The following PKD1L3 variants were observed in gnomAD, a reference collection of about 807,000 sequenced individuals.
The protein encoded by PKD1L3 is polycystin 1 like 3, transient receptor potential channel interacting.
In PKD1L3, 239 loss-of-function variants were observed where a neutral mutation model predicts 184.1. The ratio of observed to expected loss-of-function variants is 1.30; its 90% CI spans 1.17 to 1.45. PKD1L3 has a LOEUF of 1.45. PKD1L3 is among the 40% of genes most tolerant of loss of function. PKD1L3 has a pLI of 0.00. For missense variants in PKD1L3, 2,660 were observed against 2,067.2 expected (o/e 1.29, Z -5.56); for synonymous variants, 996 against 778.8 (o/e 1.28, Z -4.64).
At chr16:71,955,611 GT>G (rs1426620971) in intron 16 of PKD1L3, among the ~76,000 whole-genome samples, 10 of 151,976 alleles carry the variant, frequency 6.6e-5, no homozygotes, top group Non-Finnish European at 4.4e-5. Context: ...TCCCACCTCA[GT>G]GGTGTGCAGG....
At chr16:71,997,418 C>G (rs1041952794) in intron 2 of PKD1L3, among the ~76,000 whole-genome samples, 24 of 151,398 alleles carry the variant, frequency 1.6e-4, no homozygotes, top group Non-Finnish European at 3.0e-4. Flanking sequence ...AAGACCCCCC[C>G]CCCCACAACC....
chr16:71,988,967 A>G (rs12051517), intron 4 of PKD1L3, among the ~76,000 whole-genome samples: 68,846 of 152,018 alleles, frequency 0.45, 16,673 homozygotes, highest in African/African-American at 0.61. Flanking sequence ...ATATTTCACA[A>G]GAGAATTTTA....
Position 71,960,700 on chromosome 16 carries a change from T to TA in PKD1L3, c.2612+2504dup, listed in dbSNP as rs768121547. Among the ~76,000 whole-genome samples, 4 of 152,238 alleles carry TA rather than the reference T, an allele frequency of 2.6e-5. No homozygotes were observed. The East Asian group carries it at 5.8e-4, about 22-fold the overall frequency. ...ATTGGAAACACAGAGATTAAACAGA[T>TA]AAAAAATCACATTTCTGCAACAAAA... On this transcript the variant is annotated intron_variant, in intron 16 of 29. Transcript: ENST00000620267.
At position 71,980,048 on chromosome 16, in the gene PKD1L3, T is replaced by C. The variant is rs1040232827; in HGVS notation, c.1230A>G (p.Ser410=). The change falls in exon 8 of 30, where the codon TCA becomes TCG. Residue 410 remains serine (S), a synonymous_variant. Coordinates refer to ENST00000620267, the MANE Select transcript of PKD1L3 (RefSeq NM_181536.2). ...TAGCATTGGCAGAGGTCAAAGTCACTGAAGACTCGGGAGACTGGTTCTGCT... is the reference window on the plus strand; with the variant it reads ...TAGCATTGGCAGAGGTCAAAGTCACCGAAGACTCGGGAGACTGGTTCTGCT... ...FLEQNQSPES[S]VTLTSANATL... is the part of the protein sequence containing the mutation. The C allele has an allele frequency of 6.4e-7, 1 of 1,552,018 alleles. No homozygotes were observed.
chr16:71,982,887 C>T (rs7204348), intron 6 of PKD1L3, among the ~76,000 whole-genome samples: 2,155 of 152,132 alleles, frequency 0.014, 55 homozygotes, highest in African/African-American at 0.048. Context: ...AGCCACACAC[C>T]TAGCACATGA....
chr16:71,978,952 G>A (rs1461635948), intron 9 of PKD1L3, among the ~76,000 whole-genome samples: 1 of 151,950 alleles, frequency 6.6e-6, no homozygotes. Flanking sequence ...AATTATCGTT[G>A]GGATCCCCAG....
At position 71,954,184 on chromosome 16, in the gene PKD1L3, C is replaced by G. The variant is rs1055126921; in HGVS notation, c.2730G>C (p.Met910Ile). 9 of 1,551,684 alleles carry G rather than the reference C, an allele frequency of 5.8e-6. No individual in the cohort carries two copies. Among genetic ancestry groups the G allele is most frequent in the African/African-American group, 1.4e-5 (1 of 73,012 alleles). ...FTRVQRLSCC[M>I]TLLLCNMVIN... Reference sequence around the variant, plus strand: ...TGACCATGTTGCAGAGTAGCAGTGTCATGCAGCAAGACAGCCGTTGGACCC... The same window carrying G: ...TGACCATGTTGCAGAGTAGCAGTGTGATGCAGCAAGACAGCCGTTGGACCC... The change falls in exon 17 of 30, where the codon ATG becomes ATC. Residue 910 changes from methionine (M) to isoleucine (I), a missense_variant. By Grantham distance (10) the Met-to-Ile change is conservative. Transcript: ENST00000620267.
In PKD1L3 at chr16:71,966,380, C is replaced by T. The variant is rs576860089; in HGVS notation, c.2465+757G>A. 2.0e-5 allele frequency among the ~76,000 whole-genome samples: 3 copies of T among 151,968 alleles called. No homozygotes were observed. The South Asian group carries it at 6.2e-4, about 32-fold the overall frequency. On this transcript the variant is annotated intron_variant, in intron 15 of 29. Coordinates refer to ENST00000620267, the MANE Select transcript of PKD1L3 (RefSeq NM_181536.2). ...CTAGTTATTTCTCTAACTCCTTAGG[C>T]ACATCTCATACAGTAATTCTTTCTC...
intron 5 of PKD1L3, among the ~76,000 whole-genome samples, chr16:71,984,583 G>T (rs894800977): frequency 1.3e-5 from 2 of 152,178 alleles, no homozygotes; most frequent in Non-Finnish European, 2.9e-5. Flanking sequence ...TTTAAGGCTG[G>T]GCGTGATGGC....
chr16:71,967,796 A>G, intron 14 of PKD1L3, 110 bp downstream of exon 14: 2 of 886,256 alleles, frequency 2.3e-6, no homozygotes, highest in East Asian at 5.4e-5. Flanking sequence ...GAAAATACCA[A>G]TCTCTAGTCT....
In PKD1L3 at chr16:71,973,361, T is replaced by G. The variant is rs2039791953; in HGVS notation, c.1916A>C (p.Glu639Ala). 6.4e-7 allele frequency: 1 copy of G among 1,551,574 alleles called. No individual in the cohort carries two copies. Among genetic ancestry groups the G allele is most frequent in the African/African-American group, 1.4e-5 (1 of 73,032 alleles). The change falls in exon 12 of 30, where the codon GAG becomes GCG. Residue 639 changes from glutamate (E) to alanine (A), a missense_variant. By Grantham distance (107) the Glu-to-Ala change is moderately radical (BLOSUM62 -1). Transcript: ENST00000620267. Reference protein sequence around the residue: ...ITAVTQCYYWEIHNQTWSSAG... With the variant: ...ITAVTQCYYWAIHNQTWSSAG... ...GCTGCTCCATGTCTGGTTGTGGATC[T>G]CCCAGTAGTAACACTGAGTGACGGC...
rs1700345308 is a variant in PKD1L3 at position 71,937,358 on chromosome 16, GC to G, written c.4385del (p.Gly1462AlafsTer27). ...CTTGTGAGATGATAGACCAGACACA[GC>G]CCTTCTTTGACATCTGAAGGGAAGT... ...SFTSLQMSKK[G>X]CVWSIISQVI... On this transcript the variant is annotated frameshift_variant, in exon 25 of 30. Transcript: ENST00000620267. LOFTEE classifies it high-confidence loss of function. 7 of 1,551,440 alleles carry G rather than the reference GC, an allele frequency of 4.5e-6. No individual in the cohort carries two copies. Among genetic ancestry groups the G allele is most frequent in the Non-Finnish European group, 6.1e-6 (7 of 1,146,900 alleles).
At chr16:71,929,937 A>C in intron 29 of PKD1L3, 115 bp downstream of exon 29, 1 of 1,266,926 alleles carries the variant, frequency 7.9e-7, no homozygotes, top group South Asian at 1.6e-5. Context: ...GAAACTAATA[A>C]AGGGAATATG....
At chr16:71,944,277 A>C in intron 22 of PKD1L3, 107 bp from the exon 23 acceptor site, 1 of 1,123,416 alleles carries the variant, frequency 8.9e-7, no homozygotes, top group East Asian at 2.6e-5. Context: ...ATGTTAAACA[A>C]GGAATAAAAC....
rs2040269194 is a variant in PKD1L3, at chr16:71,984,105, TTTG to T, written c.894_896del (p.Asn298del). ...GGAGGAACTCACAAGCTTCCTGTAG[TTTG>T]TTAAGAGCTTGCAAACCATGAACTG... On this transcript the variant is annotated inframe_deletion, in exon 6 of 30. Transcript: ENST00000620267. The T allele has an allele frequency of 2.6e-6, 4 of 1,552,126 alleles. No individual in the cohort carries two copies. The highest frequency in any genetic ancestry group is 3.5e-6 in the Non-Finnish European group (4 of 1,147,052).
chr16:71,983,453 C>G (rs539826890), intron 6 of PKD1L3, among the ~76,000 whole-genome samples: 3 of 152,046 alleles, frequency 2.0e-5, no homozygotes, highest in South Asian at 2.1e-4. Flanking sequence ...CACTGAATGC[C>G]GACAGACTTC....
chr16:71,968,770 AT>A (rs1201742073), intron 13 of PKD1L3, among the ~76,000 whole-genome samples: 1 of 151,778 alleles, frequency 6.6e-6, no homozygotes, highest in Non-Finnish European at 1.5e-5. Flanking sequence ...TAATTTTTGT[AT>A]TTTTAGTAGA....
chr16:71,951,242 G>A (rs2038820720), intron 19 of PKD1L3, among the ~76,000 whole-genome samples: 1 of 152,098 alleles, frequency 6.6e-6, no homozygotes, highest in South Asian at 2.1e-4. Flanking sequence ...GTTTCGCCAT[G>A]TTGGCTAGGC....
intron 17 of PKD1L3, among the ~76,000 whole-genome samples, chr16:71,953,302 T>C (rs2038920196): frequency 6.6e-6 from 1 of 152,186 alleles, no homozygotes; most frequent in Non-Finnish European, 1.5e-5. Flanking sequence ...TAGAGTATTC[T>C]AACGTTAGGG....
Sources: allele counts gnomAD v4.1 joint callset (sites outside exome capture counted in the v4.1 genomes callset), GRCh38; gene constraint gnomAD v4.1.1; transcripts MANE v1.5; gene names NCBI Gene and HGNC (gene_info 2026-07-23, HGNC 2026-07-21).